FEZ1: variants seen among roughly 807,000 people sequenced by gnomAD.
FEZ1 encodes the protein fasciculation and elongation protein zeta-1.
A neutral mutation model predicts 49.3 loss-of-function variants in FEZ1; 20 were observed. The ratio of observed to expected loss-of-function variants is 0.41; its 90% CI spans 0.29 to 0.59. The LOEUF is 0.59. Ranked by LOEUF, FEZ1 falls within the 20% of genes least tolerant of loss-of-function variation. FEZ1 has a pLI of 0.36. For missense variants in FEZ1, 413 were observed against 476.0 expected (o/e 0.87, Z 1.23); for synonymous variants, 170 against 180.9 (o/e 0.94, Z 0.48).
intron 2 of FEZ1, among the ~76,000 whole-genome samples, chr11:125,487,202 TA>T (rs953667160): frequency 5.3e-5 from 8 of 152,052 alleles, no homozygotes; most frequent in Admixed American, 2.0e-4. Flanking sequence ...GGGGTTTTGA[TA>T]GGGGGGAAAT....
At chr11:125,452,484 T>G in intron 7 of FEZ1, 75 bp from the exon 8 acceptor site, 1 of 917,452 alleles carries the variant, frequency 1.1e-6, no homozygotes, top group Non-Finnish European at 1.8e-6. Context: ...AGCCTTTCTC[T>G]AAGACACACA....
chr11:125,454,067 T>G, intron 7 of FEZ1, 63 bp downstream of exon 7: 2 of 1,142,474 alleles, frequency 1.8e-6, no homozygotes, highest in Non-Finnish European at 2.6e-6. Context: ...CCCCCTGCGT[T>G]GCTGGGGAGG....
chr11:125,481,374 T>C (rs774941274), intron 3 of FEZ1, among the ~76,000 whole-genome samples, 160 bp downstream of exon 3: 1 of 152,138 alleles, frequency 6.6e-6, no homozygotes, highest in Non-Finnish European at 1.5e-5. Context: ...GGTCTTAAAT[T>C]ACTGAACTCA....
rs1956889582 is a variant in FEZ1, at chr11:125,445,358, G to A, written c.*737C>T. On this transcript the variant is annotated 3_prime_UTR_variant, in exon 10 of 10. Coordinates refer to ENST00000278919, the MANE Select transcript of FEZ1 (RefSeq NM_005103.5). This position sits in a 1 kb window ranked among gnomAD's most constrained non-coding sequence, Gnocchi z 4.4. Reference sequence around the variant, plus strand: ...CAGGTCCCCGTGGACAGCCTGGGGAGGGTCTCCAGGGCCAGCCTGGCCATC... The same window carrying A: ...CAGGTCCCCGTGGACAGCCTGGGGAAGGTCTCCAGGGCCAGCCTGGCCATC... Among the ~76,000 whole-genome samples, 1 of 152,224 alleles carries A rather than the reference G, an allele frequency of 6.6e-6. No homozygotes were observed. The highest frequency in any genetic ancestry group is 6.5e-5 in the Admixed American group (1 of 15,278).
chr11:125,493,349 G>GA (rs1202222727), intron 1 of FEZ1, among the ~76,000 whole-genome samples: 1 of 131,838 alleles, frequency 7.6e-6, no homozygotes, highest in South Asian at 2.5e-4. Context: ...AAGAAAGAAA[G>GA]AAAGAAAGAG....
chr11:125,475,944 A>G (rs1437328254), intron 3 of FEZ1, among the ~76,000 whole-genome samples: 1 of 152,270 alleles, frequency 6.6e-6, no homozygotes, highest in Non-Finnish European at 1.5e-5. Flanking sequence ...ATATATCCAT[A>G]CAACAGAATA....
At chr11:125,484,297 C>T (rs887611210) in intron 2 of FEZ1, among the ~76,000 whole-genome samples, 1 of 152,198 alleles carries the variant, frequency 6.6e-6, no homozygotes, top group African/African-American at 2.4e-5. Context: ...AAAATTGAAA[C>T]ATAGTGAATT....
chr11:125,479,554 C>A (rs2135775232), intron 3 of FEZ1, among the ~76,000 whole-genome samples: 1 of 152,326 alleles, frequency 6.6e-6, no homozygotes, highest in East Asian at 1.9e-4. Context: ...TCCCACCCCC[C>A]AAATTTATAT....
chr11:125,475,913 C>T lies in FEZ1; in HGVS notation c.411+5621G>A, dbSNP rs533716850. Among the ~76,000 whole-genome samples the T allele has an allele frequency of 3.3e-5, 5 of 152,220 alleles. No homozygotes were observed. The East Asian group carries it at 7.7e-4, about 23-fold the overall frequency. ...AGAAAAAAAACTGTTCATCTATAAG[C>T]GAATGAATAAGCCGCTGGTGATATA... On this transcript the variant is annotated intron_variant, in intron 3 of 9. Transcript: ENST00000278919.
At chr11:125,479,723 G>A (rs544002541) in intron 3 of FEZ1, among the ~76,000 whole-genome samples, 7 of 152,308 alleles carry the variant, frequency 4.6e-5, no homozygotes, top group Middle Eastern at 3.4e-3. Flanking sequence ...AGAAGGTGCC[G>A]TCTGTGAACC....
At chr11:125,486,117 A>G (rs1957324772) in intron 2 of FEZ1, among the ~76,000 whole-genome samples, 1 of 152,198 alleles carries the variant, frequency 6.6e-6, no homozygotes, top group Non-Finnish European at 1.5e-5. Flanking sequence ...CTAGCTGACT[A>G]TTTGGTATTT....
rs1345198958 is a variant in FEZ1 at position 125,488,679 on chromosome 11, C to CA, written c.311+787dup. Reference sequence around the variant, plus strand: ...TGGGCGATAGAATGAAACTTCATCTCAAAAAAAAACAAAACAAAACAAAAC... The same window carrying CA: ...TGGGCGATAGAATGAAACTTCATCTCAAAAAAAAAACAAAACAAAACAAAAC... On this transcript the variant is annotated intron_variant, in intron 2 of 9. Transcript: ENST00000278919. 1,738 of 935,710 alleles carry CA rather than the reference C, an allele frequency of 1.9e-3. 7 individuals are homozygous for CA. Among genetic ancestry groups the CA allele is most frequent in the African/African-American group, 0.017 (931 of 55,376 alleles). The allele number at this position is 935,710 out of a possible 1,614,324, so 58.0% of individuals were successfully genotyped here. A position where few individuals can be genotyped will look rare whatever the true frequency, so the allele number is the denominator to read the frequency against.
chr11:125,454,590 A>G (rs1402166465), intron 6 of FEZ1, among the ~76,000 whole-genome samples: 1 of 152,212 alleles, frequency 6.6e-6, no homozygotes, highest in Non-Finnish European at 1.5e-5. Context: ...GTCTTAAAGC[A>G]ACTGTCCTGA....
intron 1 of FEZ1, among the ~76,000 whole-genome samples, chr11:125,494,736 T>C (rs1395903610): frequency 6.6e-6 from 1 of 152,294 alleles, no homozygotes; most frequent in East Asian, 1.9e-4. Context: ...AGAGACCCAG[T>C]AGGAAACGCA....
At chr11:125,474,637 C>T (rs1240985244) in intron 3 of FEZ1, among the ~76,000 whole-genome samples, 2 of 152,096 alleles carry the variant, frequency 1.3e-5, no homozygotes, top group Admixed American at 6.6e-5. Flanking sequence ...TGCCTGTAAT[C>T]CCAGCACTTT....
At position 125,489,839 on chromosome 11, in the gene FEZ1, G is replaced by C; in HGVS notation, c.-45-17C>G. 2 of 1,505,122 alleles carry C rather than the reference G, an allele frequency of 1.3e-6. No individual in the cohort carries two copies. Among genetic ancestry groups the C allele is most frequent in the South Asian group, 2.8e-5 (2 of 71,366 alleles). The allele number at this position is 1,505,122 out of a possible 1,614,324, so 93.2% of individuals were successfully genotyped here. A position where few individuals can be genotyped will look rare whatever the true frequency, so the allele number is the denominator to read the frequency against. ...TGAGTTTATCTAAAAGAAATGAACA[G>C]CGTAATGTGAGTTTAGACCAGGCTA... On this transcript the variant is annotated splice_polypyrimidine_tract_variant and intron_variant, in intron 1 of 9. Transcript: ENST00000278919. The surrounding 1 kb of genome is among the most constrained non-coding windows in gnomAD (Gnocchi z 4.2).
chr11:125,454,224 A>C lies in FEZ1; in HGVS notation c.940-14T>G. On this transcript the variant is annotated splice_polypyrimidine_tract_variant and intron_variant, in intron 6 of 9. Coordinates refer to ENST00000278919, the MANE Select transcript of FEZ1 (RefSeq NM_005103.5). ...CATGCTGAAGCGCTGTGGGGGAGAG[A>C]GACTCAAGAAGGGCAAATGCTTCTT... is the stretch of plus-strand genomic sequence containing the variant. The C allele has an allele frequency of 6.2e-7, 1 of 1,607,178 alleles. No homozygotes were observed. The highest frequency in any genetic ancestry group is 8.5e-7 in the Non-Finnish European group (1 of 1,174,738).
At chr11:125,447,523 A>G (rs1358201301) in intron 9 of FEZ1, among the ~76,000 whole-genome samples, 1 of 152,234 alleles carries the variant, frequency 6.6e-6, no homozygotes, top group Admixed American at 6.5e-5. Flanking sequence ...TTGGATAGTC[A>G]GTACTAAGAA....
intron 9 of FEZ1, among the ~76,000 whole-genome samples, chr11:125,446,823 G>A (rs369929595): frequency 6.6e-6 from 1 of 151,396 alleles, no homozygotes; most frequent in Admixed American, 6.6e-5. Flanking sequence ...GACTACAGGC[G>A]CGCACCACTA....
Sources: allele counts gnomAD v4.1 joint callset (sites outside exome capture counted in the v4.1 genomes callset), GRCh38; gene constraint gnomAD v4.1.1; non-coding constraint Gnocchi (gnomAD v3.1); transcripts MANE v1.5; gene names NCBI Gene and HGNC (gene_info 2026-07-23, HGNC 2026-07-21).